ALCAM: variants seen among roughly 807,000 people sequenced by gnomAD.
ALCAM encodes CD166 antigen.
ALCAM carries 30 observed loss-of-function variants against 70.9 expected under a neutral mutation model. The observed-to-expected ratio is 0.42, with a 90% CI of 0.32 to 0.57. The LOEUF is 0.57. ALCAM is among the 20% of genes least tolerant of loss of function. The pLI is 0.11. For missense variants in ALCAM, 591 were observed against 695.1 expected (o/e 0.85, Z 1.68); for synonymous variants, 249 against 242.5 (o/e 1.03, Z -0.25).
At chr3:105,511,096 A>G (rs371615284) in intron 1 of ALCAM, among the ~76,000 whole-genome samples, 9 of 152,080 alleles carry the variant, frequency 5.9e-5, no homozygotes, top group Admixed American at 6.6e-5. Flanking sequence ...CCACTCTTCA[A>G]TTAAGAAGAA....
At chr3:105,511,463 A>C (rs1939234190) in intron 1 of ALCAM, among the ~76,000 whole-genome samples, 1 of 152,080 alleles carries the variant, frequency 6.6e-6, no homozygotes, top group South Asian at 2.1e-4. Context: ...TAGATCTTAT[A>C]GTAAGCTGAC....
intron 14 of ALCAM, among the ~76,000 whole-genome samples, chr3:105,558,117 G>A (rs2152633325): frequency 6.6e-6 from 1 of 152,054 alleles, no homozygotes; most frequent in African/African-American, 2.4e-5. Context: ...CTAACTACCT[G>A]CACAGGTATC....
At chr3:105,510,126 GA>G (rs1939197049) in intron 1 of ALCAM, among the ~76,000 whole-genome samples, 1 of 152,000 alleles carries the variant, frequency 6.6e-6, no homozygotes, top group Non-Finnish European at 1.5e-5. Flanking sequence ...ACCTATGCAA[GA>G]AAAAATGAGG....
chr3:105,489,825 C>T (rs1162403416), intron 1 of ALCAM, among the ~76,000 whole-genome samples: 1 of 106,808 alleles, frequency 9.4e-6, no homozygotes, highest in Admixed American at 1.1e-4. Context: ...ACTATCCTGA[C>T]ATAGAGAAAA....
At chr3:105,382,989 T>C (rs1480944722) in intron 1 of ALCAM, among the ~76,000 whole-genome samples, 2 of 151,814 alleles carry the variant, frequency 1.3e-5, no homozygotes, top group African/African-American at 2.4e-5. Context: ...TGGAATTCCA[T>C]GTGCTAGCCA....
chr3:105,464,517 A>T (rs888186449), intron 1 of ALCAM, among the ~76,000 whole-genome samples: 6 of 151,328 alleles, frequency 4.0e-5, no homozygotes, highest in Non-Finnish European at 8.9e-5. Flanking sequence ...AATTATAAGC[A>T]TATTAGGACA....
intron 1 of ALCAM, among the ~76,000 whole-genome samples, chr3:105,473,000 A>T (rs996283236): frequency 2.6e-5 from 4 of 151,492 alleles, no homozygotes; most frequent in Non-Finnish European, 5.9e-5. Flanking sequence ...TTCTCTTTTA[A>T]TACAAAAATA....
intron 14 of ALCAM, among the ~76,000 whole-genome samples, chr3:105,570,691 A>C (rs924013837): frequency 1.3e-5 from 2 of 152,232 alleles, no homozygotes; most frequent in Non-Finnish European, 2.9e-5. Context: ...CATCCTATAG[A>C]CCAATGAGAA....
intron 1 of ALCAM, among the ~76,000 whole-genome samples, chr3:105,489,668 A>T (rs1335247144): frequency 6.6e-6 from 1 of 152,182 alleles, no homozygotes; most frequent in Non-Finnish European, 1.5e-5. Flanking sequence ...TATTTTAGGT[A>T]TTTTGAAATC....
chr3:105,524,589 C>T, intron 3 of ALCAM, 81 bp downstream of exon 3: 1 of 1,579,850 alleles, frequency 6.3e-7, no homozygotes, highest in Non-Finnish European at 8.6e-7. Context: ...GAAGACTGAA[C>T]TCTCTGTAGT....
At chr3:105,456,779 CA>C (rs113400043) in intron 1 of ALCAM, among the ~76,000 whole-genome samples, 23,015 of 151,850 alleles carry the variant, frequency 0.15, 1,845 homozygotes, top group Middle Eastern at 0.19. Flanking sequence ...GTTTCTAAGA[CA>C]AATGCATAAG....
chr3:105,445,755 C>T (rs1937279847), intron 1 of ALCAM, among the ~76,000 whole-genome samples: 1 of 152,126 alleles, frequency 6.6e-6, no homozygotes, highest in Admixed American at 6.5e-5. Context: ...ATAATTGGTG[C>T]TGGGAAAACT....
At chr3:105,476,352 G>A (rs983177835) in intron 1 of ALCAM, among the ~76,000 whole-genome samples, 1 of 152,012 alleles carries the variant, frequency 6.6e-6, no homozygotes, top group African/African-American at 2.4e-5. Flanking sequence ...TTATGTCTGT[G>A]TTAATAATGC....
At chr3:105,542,295 G>GA (rs1438164422) in intron 8 of ALCAM, among the ~76,000 whole-genome samples, 1 of 151,780 alleles carries the variant, frequency 6.6e-6, no homozygotes, top group African/African-American at 2.4e-5. Context: ...AGAACCTCTT[G>GA]AAAATCACTG....
chr3:105,401,382 A>G (rs1230469868), intron 1 of ALCAM, among the ~76,000 whole-genome samples: 1 of 152,256 alleles, frequency 6.6e-6, no homozygotes, highest in African/African-American at 2.4e-5. Context: ...ACACAGGAGC[A>G]GCACAGTAGA....
At position 105,367,180 on chromosome 3, in the gene ALCAM, G is replaced by A. The variant is rs925191445; in HGVS notation, c.-229G>A. 5.4e-6 allele frequency: 3 copies of A among 552,814 alleles called. No individual in the cohort carries two copies. The highest frequency in any genetic ancestry group is 3.8e-5 in the African/African-American group (2 of 52,356). The allele number at this position is 552,814 out of a possible 1,614,324, so 34.2% of individuals were successfully genotyped here. ...CCGGAGGAGCAGCCGAAGGGCCCGT[G>A]GGCTGGTGTTGACCGGGAGGGAGGA... On this transcript the variant is annotated 5_prime_UTR_variant, in exon 1 of 16. Transcript: ENST00000306107.
intron 1 of ALCAM, among the ~76,000 whole-genome samples, chr3:105,504,402 T>C (rs1659326122): frequency 6.6e-6 from 1 of 152,234 alleles, no homozygotes; most frequent in South Asian, 2.1e-4. Context: ...AGATCACGTA[T>C]GGGCTTGGAG....
intron 1 of ALCAM, among the ~76,000 whole-genome samples, chr3:105,482,750 T>C (rs935365948): frequency 1.3e-5 from 2 of 152,186 alleles, no homozygotes; most frequent in African/African-American, 4.8e-5. Context: ...ATAAATGTTA[T>C]ATTAAAAAGC....
At chr3:105,376,596 A>G (rs185523954) in intron 1 of ALCAM, among the ~76,000 whole-genome samples, 20 of 152,356 alleles carry the variant, frequency 1.3e-4, no homozygotes, top group African/African-American at 3.6e-4. Flanking sequence ...CAAAGATGTT[A>G]TGTTCTCTCA....
Sources: gnomAD v4.1 joint callset for allele counts (sites outside exome capture counted in the v4.1 genomes callset) on GRCh38, gnomAD v4.1.1 for gene constraint, MANE v1.5 for transcripts, NCBI Gene and HGNC (gene_info 2026-07-23, HGNC 2026-07-21) for gene names.